The following SLC25A21 variants were observed in gnomAD, a reference collection of about 807,000 sequenced individuals.
SLC25A21 encodes solute carrier family 25 member 21.
SLC25A21 carries 47 observed loss-of-function variants against 43.8 expected under a neutral mutation model. The ratio of observed to expected loss-of-function variants is 1.07; its 90% CI spans 0.85 to 1.37. SLC25A21 has a LOEUF of 1.37. Ranked by LOEUF, SLC25A21 falls within the 40% of genes most tolerant of loss-of-function variation. The probability of loss-of-function intolerance (pLI) is 0.00; values close to 1 mark genes in which losing one functional copy is unlikely to be tolerated. For missense variants in SLC25A21, 352 were observed against 350.2 expected, an observed-to-expected ratio of 1.00 and a Z score of -0.04; for synonymous variants, 131 against 121.3, an observed-to-expected ratio of 1.08 and a Z score of -0.52.
intron 1 of SLC25A21, among the ~76,000 whole-genome samples, chr14:36,884,521 A>G (rs1890858110): frequency 6.6e-6 from 1 of 152,030 alleles, no homozygotes; most frequent in South Asian, 2.1e-4. Flanking sequence ...ATATATGGTA[A>G]TTCTATTTTT....
intron 6 of SLC25A21, among the ~76,000 whole-genome samples, chr14:36,723,321 C>T (rs1422856403): frequency 2.0e-5 from 3 of 152,234 alleles, no homozygotes; most frequent in African/African-American, 7.2e-5. Flanking sequence ...AAAACACCAC[C>T]TCATTTCAGC....
At chr14:37,160,325 T>A (rs775716954) in intron 1 of SLC25A21, among the ~76,000 whole-genome samples, 1 of 152,120 alleles carries the variant, frequency 6.6e-6, no homozygotes, top group Non-Finnish European at 1.5e-5. Context: ...AAAGTGCCCA[T>A]GAAAAGATGA....
At chr14:36,757,393 A>G (rs1243865468) in intron 3 of SLC25A21, among the ~76,000 whole-genome samples, 1 of 152,248 alleles carries the variant, frequency 6.6e-6, no homozygotes, top group Non-Finnish European at 1.5e-5. Flanking sequence ...AATTGCTTTA[A>G]CATTTCTAAA....
intron 1 of SLC25A21, among the ~76,000 whole-genome samples, chr14:36,918,881 C>T (rs1357152794): frequency 6.6e-6 from 1 of 151,946 alleles, no homozygotes; most frequent in Non-Finnish European, 1.5e-5. Flanking sequence ...AAGTGTAAGA[C>T]ACATAAATTT....
intron 1 of SLC25A21, among the ~76,000 whole-genome samples, chr14:37,056,493 A>T (rs1322459189): frequency 6.6e-6 from 1 of 151,934 alleles, no homozygotes; most frequent in Non-Finnish European, 1.5e-5. Flanking sequence ...CATCTCAAAA[A>T]AAAAAAAAAA....
chr14:36,945,576 T>A (rs1459998663), intron 1 of SLC25A21, among the ~76,000 whole-genome samples: 1 of 152,190 alleles, frequency 6.6e-6, no homozygotes, highest in Non-Finnish European at 1.5e-5. Context: ...GAATAAACGT[T>A]GAGGACATTA....
chr14:36,710,421 A>G (rs896459159), intron 7 of SLC25A21, among the ~76,000 whole-genome samples: 1 of 151,806 alleles, frequency 6.6e-6, no homozygotes, highest in African/African-American at 2.4e-5. Context: ...CGGGGAAAAA[A>G]AAGAAAGAAA....
chr14:37,030,771 T>C (rs2138767747), intron 1 of SLC25A21, among the ~76,000 whole-genome samples: 1 of 152,160 alleles, frequency 6.6e-6, no homozygotes, highest in East Asian at 1.9e-4. Flanking sequence ...TTGGTAAGTG[T>C]TCCTAAAATC....
chr14:36,773,264 A>T (rs1886692916), intron 3 of SLC25A21, among the ~76,000 whole-genome samples: 1 of 152,058 alleles, frequency 6.6e-6, no homozygotes, highest in Non-Finnish European at 1.5e-5. Context: ...GCTGTGAGTG[A>T]TGAGTCAGAC....
At chr14:36,972,921 C>G (rs1021987275) in intron 1 of SLC25A21, among the ~76,000 whole-genome samples, 25 of 152,134 alleles carry the variant, frequency 1.6e-4, no homozygotes, top group Non-Finnish European at 3.4e-4. Flanking sequence ...CAGCCTTAAA[C>G]TCCTGGGCTC....
chr14:37,155,683 C>T (rs1963835874), intron 1 of SLC25A21, among the ~76,000 whole-genome samples: 1 of 152,004 alleles, frequency 6.6e-6, no homozygotes, highest in Non-Finnish European at 1.5e-5. Context: ...AAACTTTCAC[C>T]CTAGAATACT....
chr14:36,856,900 T>C (rs1391578895), intron 2 of SLC25A21, among the ~76,000 whole-genome samples: 2 of 152,196 alleles, frequency 1.3e-5, no homozygotes, highest in Non-Finnish European at 2.9e-5. Flanking sequence ...TTTCTTTTCA[T>C]GTAATTTGGG....
intron 1 of SLC25A21, among the ~76,000 whole-genome samples, chr14:37,157,591 A>C (rs1478770442): frequency 7.2e-5 from 11 of 152,202 alleles, no homozygotes; most frequent in Admixed American, 7.2e-4. Context: ...AGCAAAAGCA[A>C]TGCTAAGAGG....
At chr14:37,008,513 A>G (rs1223553439) in intron 1 of SLC25A21, among the ~76,000 whole-genome samples, 1 of 152,206 alleles carries the variant, frequency 6.6e-6, no homozygotes, top group Non-Finnish European at 1.5e-5. Flanking sequence ...ATCAATACAA[A>G]GGTACCTCCT....
intron 1 of SLC25A21, among the ~76,000 whole-genome samples, chr14:36,955,695 G>A (rs1294060743): frequency 6.6e-6 from 1 of 151,932 alleles, no homozygotes; most frequent in East Asian, 1.9e-4. Context: ...ATCAAGATTT[G>A]CACCTCTGGT....
Position 36,710,214 on chromosome 14 carries a change from A to T in SLC25A21, c.603+1104T>A, listed in dbSNP as rs547755805. 2.0e-4 allele frequency among the ~76,000 whole-genome samples: 30 copies of T among 149,480 alleles called. No individual in the cohort carries two copies. The East Asian group carries it at 5.1e-3, about 25-fold the overall frequency. ...AGCCTGGTCATCATGGTGCCAAAAT[A>T]AAAAAAAAATTAGCTGGGTGCGGTG... On this transcript the variant is annotated intron_variant, in intron 7 of 9. Coordinates refer to ENST00000331299, the MANE Select transcript of SLC25A21 (RefSeq NM_030631.4).
At chr14:37,159,891 A>G (rs4396444) in intron 1 of SLC25A21, among the ~76,000 whole-genome samples, 59,950 of 151,984 alleles carry the variant, frequency 0.39, 12,715 homozygotes, top group African/African-American at 0.56. Flanking sequence ...GATAAATAAC[A>G]TCATTAAAAA....
chr14:37,141,518 A>C (rs1963570131), intron 1 of SLC25A21, among the ~76,000 whole-genome samples: 1 of 152,128 alleles, frequency 6.6e-6, no homozygotes, highest in Admixed American at 6.6e-5. Context: ...TAAAAAAAAA[A>C]CTGAAATATA....
At chr14:36,841,621 C>T (rs1208942249) in intron 2 of SLC25A21, among the ~76,000 whole-genome samples, 2 of 152,240 alleles carry the variant, frequency 1.3e-5, no homozygotes, top group African/African-American at 4.8e-5. Flanking sequence ...CATTGGTTGA[C>T]TCCAGCCTCT....
Sources: allele counts gnomAD v4.1 joint callset (sites outside exome capture counted in the v4.1 genomes callset), GRCh38; gene constraint gnomAD v4.1.1; transcripts MANE v1.5; gene names NCBI Gene and HGNC (gene_info 2026-07-23, HGNC 2026-07-21).